CIT: variants seen among roughly 807,000 people sequenced by gnomAD.
CIT encodes citron Rho-interacting kinase.
CIT carries 79 observed loss-of-function variants against 272.7 expected under a neutral mutation model. That is an observed-to-expected ratio of 0.29 (90% CI 0.24 to 0.35). The LOEUF (loss-of-function observed/expected upper bound fraction) is 0.35, where lower values mean the gene tolerates loss of function less well. Ranked by LOEUF, CIT falls within the 10% of genes least tolerant of loss-of-function variation. The pLI, the probability that CIT is intolerant of heterozygous loss-of-function variation, is 1.00. For missense variants in CIT, 1,909 were observed against 2,618.3 expected (o/e 0.73, Z 5.91); for synonymous variants, 948 against 995.6 (o/e 0.95, Z 0.90).
At chr12:119,843,636 C>G (rs1750838935) in intron 5 of CIT, among the ~76,000 whole-genome samples, 1 of 151,888 alleles carries the variant, frequency 6.6e-6, no homozygotes. Context: ...ATAGTGAAAC[C>G]CCGTCTCTAC....
chr12:119,753,042 G>C (rs1317816643), intron 22 of CIT, among the ~76,000 whole-genome samples: 1 of 152,152 alleles, frequency 6.6e-6, no homozygotes, highest in African/African-American at 2.4e-5. Flanking sequence ...AGAGGTGAAA[G>C]AAAATTCCAG....
chr12:119,699,001 T>A (rs912069446), intron 44 of CIT, among the ~76,000 whole-genome samples: 2 of 152,154 alleles, frequency 1.3e-5, no homozygotes, highest in South Asian at 2.1e-4. Context: ...ATGCCTGTAA[T>A]CCCAGCACTT....
chr12:119,708,233 G>C lies in CIT; in HGVS notation c.5157C>G (p.Ile1719Met). ...TGACAGCTTCAAAAATGTTGGGTGA[G>C]ATGTCGGGCTGGGCAGGCAGGTGGG... ...AQSHLPAQPD[I>M]SPNIFEAVKG... is the part of the protein sequence containing the mutation. The change falls in exon 40 of 48, where the codon ATC becomes ATG. Residue 1719 changes from isoleucine (I) to methionine (M), a missense_variant. Around this residue, in one of 8 missense-constraint regions of CIT, gnomAD observed 780 missense variants for 1,067.2 expected, o/e 0.73. Coordinates refer to ENST00000392521, the MANE Select transcript of CIT (RefSeq NM_001206999.2). 6.2e-7 allele frequency: 1 copy of C among 1,607,746 alleles called. No individual in the cohort carries two copies. The highest frequency in any genetic ancestry group is 8.5e-7 in the Non-Finnish European group (1 of 1,177,446).
intron 23 of CIT, among the ~76,000 whole-genome samples, chr12:119,744,550 C>A (rs1424122135): frequency 1.3e-5 from 2 of 151,570 alleles, no homozygotes; most frequent in Non-Finnish European, 2.9e-5. Flanking sequence ...ATGGTCTCTA[C>A]TAAAAAATAC....
intron 19 of CIT, among the ~76,000 whole-genome samples, chr12:119,765,544 C>A (rs942718871): frequency 4.8e-5 from 7 of 146,124 alleles, no homozygotes; most frequent in Non-Finnish European, 6.0e-5. Flanking sequence ...AATCTCGGCT[C>A]ACTGCAACCT....
At chr12:119,836,778 G>T (rs1191085442) in intron 5 of CIT, among the ~76,000 whole-genome samples, 1 of 152,138 alleles carries the variant, frequency 6.6e-6, no homozygotes, top group Non-Finnish European at 1.5e-5. Flanking sequence ...CAACTCTTAA[G>T]AACTGACAAA....
chr12:119,701,814 G>A, intron 42 of CIT, 36 bp downstream of exon 42: 1 of 1,614,204 alleles, frequency 6.2e-7, no homozygotes, highest in Non-Finnish European at 8.5e-7. Context: ...CGCGGCCTGA[G>A]CCATGGGTGG....
rs1957110503 is a variant in CIT, at chr12:119,710,494, G to A, written c.4935+46C>T. 7 of 1,612,436 alleles carry A rather than the reference G, an allele frequency of 4.3e-6. No homozygotes were observed. Among genetic ancestry groups the A allele is most frequent in the Non-Finnish European group, 5.9e-6 (7 of 1,178,462 alleles). ...ACAGCCCTTTCTTTCTTGATGGGGT[G>A]TGGCTGTAACCAGACACCAGCTGGC... On this transcript the variant is annotated intron_variant, in intron 38 of 47. Coordinates refer to ENST00000392521, the MANE Select transcript of CIT (RefSeq NM_001206999.2). This position sits in a 1 kb window ranked among gnomAD's most constrained non-coding sequence, Gnocchi z 5.6.
rs961048068 is a variant in CIT, at chr12:119,690,333, G to A, written c.6004C>T (p.Arg2002Cys). The A allele has an allele frequency of 1.9e-6, 3 of 1,596,942 alleles. No individual in the cohort carries two copies. The highest frequency in any genetic ancestry group is 1.1e-5 in the South Asian group (1 of 90,342). ...CTGCGCAGCTCGGTCCGCCCCTCGCGGTAGCGGTGGGGTGTGCTTGGCTCT... is the reference window on the plus strand; with the variant it reads ...CTGCGCAGCTCGGTCCGCCCCTCGCAGTAGCGGTGGGGTGTGCTTGGCTCT... ...PREPSTPHRY[R>C]EGRTELRRDK... The change falls in exon 47 of 48, where the codon CGC becomes TGC. Residue 2002 changes from arginine (R) to cysteine (C), a missense_variant. Around this residue, in one of 8 missense-constraint regions of CIT, gnomAD observed 780 missense variants for 1,067.2 expected, o/e 0.73. Transcript: ENST00000392521. This position sits in a 1 kb window ranked among gnomAD's most constrained non-coding sequence, Gnocchi z 6.0.
chr12:119,783,724 T>G, intron 12 of CIT, 184 bp downstream of exon 12: 1 of 628,464 alleles, frequency 1.6e-6, no homozygotes, highest in Non-Finnish European at 2.6e-6. Flanking sequence ...CAATCTCATT[T>G]CTTGGGGACC....
chr12:119,730,621 G>A lies in CIT; in HGVS notation c.3360C>T (p.Ala1120=), dbSNP rs138923592. Residue 1120 remains alanine, a synonymous_variant, in exon 27 of 48, where the codon GCC becomes GCT. Transcript: ENST00000392521. ...LDTEKQSRAR[A]DQRITESRQV... ...GGCGAGACTCGGTGATCCGCTGATCGGCTCTCGCCCTGCCAGAAAGACACA... is the reference window on the plus strand; with the variant it reads ...GGCGAGACTCGGTGATCCGCTGATCAGCTCTCGCCCTGCCAGAAAGACACA... 488 of 1,613,524 alleles carry A rather than the reference G, an allele frequency of 3.0e-4. 2 individuals carry two copies. Among genetic ancestry groups the A allele is most frequent in the Non-Finnish European group, 3.8e-4 (450 of 1,179,770 alleles).
chr12:119,776,395 C>T lies in CIT; in HGVS notation c.1850G>A (p.Gly617Glu). 1 of 1,613,572 alleles carries T rather than the reference C, an allele frequency of 6.2e-7. No individual in the cohort carries two copies. The highest frequency in any genetic ancestry group is 8.5e-7 in the Non-Finnish European group (1 of 1,179,658). The change falls in exon 15 of 48, where the codon GGG becomes GAG. Residue 617 changes from glycine (G) to glutamate (E), a missense_variant. Transcript: ENST00000392521. ...QHKLLKAKDQ[G>E]KPEVGEYAKL... ...CGCATATTCTCCCACTTCAGGCTTC[C>T]CTTGATCCTTAGCCTGTAATTAAAA... is the stretch of plus-strand genomic sequence containing the variant.
chr12:119,760,245 T>C (rs1203344883), intron 20 of CIT, among the ~76,000 whole-genome samples: 1 of 145,338 alleles, frequency 6.9e-6, no homozygotes, highest in Non-Finnish European at 1.5e-5. Context: ...GGAGTGCAGA[T>C]AAATAAGCAC....
chr12:119,828,457 G>A (rs1409778094), intron 7 of CIT, among the ~76,000 whole-genome samples: 1 of 151,598 alleles, frequency 6.6e-6, no homozygotes, highest in Non-Finnish European at 1.5e-5. Context: ...TCCTCTGGTG[G>A]CAATTCAGTC....
chr12:119,789,287 G>A (rs765734412), intron 10 of CIT, among the ~76,000 whole-genome samples: 4 of 152,166 alleles, frequency 2.6e-5, no homozygotes, highest in Non-Finnish European at 4.4e-5. Context: ...CTCATTGTAT[G>A]ACCATCCCCA....
chr12:119,754,313 C>G (rs1472793472), intron 22 of CIT, among the ~76,000 whole-genome samples: 1 of 152,192 alleles, frequency 6.6e-6, no homozygotes, highest in Non-Finnish European at 1.5e-5. Context: ...TAACATGTTG[C>G]TGTATTCCTG....
At chr12:119,700,633 G>A (rs940152173) in intron 44 of CIT, 112 bp downstream of exon 44, 8 of 860,952 alleles carry the variant, frequency 9.3e-6, no homozygotes, top group East Asian at 5.0e-5. Flanking sequence ...CACCCGCCTC[G>A]GCCTCCCAAA....
At chr12:119,719,061 G>A in intron 30 of CIT, 200 bp from the exon 31 acceptor site, 1 of 563,146 alleles carries the variant, frequency 1.8e-6, no homozygotes, top group South Asian at 2.1e-5. Context: ...AAAAATAGGG[G>A]TGCGGAAGTT....
Position 119,785,757 on chromosome 12 carries a change from T to G in CIT, c.1296-692A>C, listed in dbSNP as rs391084. 9.4e-3 allele frequency among the ~76,000 whole-genome samples: 1,426 copies of G among 152,168 alleles called. 20 individuals are homozygous for G. The highest frequency in any genetic ancestry group is 0.032 in the African/African-American group (1,344 of 41,500). ...ACCGTGCCTGACTAATTTTTGTATT[T>G]TTAGTAGAGATGGGGTTTCACCATG... On this transcript the variant is annotated intron_variant, in intron 10 of 47. Transcript: ENST00000392521.
Sources: gnomAD v4.1 joint callset for allele counts (sites outside exome capture counted in the v4.1 genomes callset) on GRCh38, gnomAD v4.1.1 for gene constraint, gnomAD v4.1.1 regional missense constraint, Gnocchi (gnomAD v3.1) non-coding constraint, MANE v1.5 for transcripts, NCBI Gene and HGNC (gene_info 2026-07-23, HGNC 2026-07-21) for gene names.